Variants in SLC35F1 observed in about 807,000 individuals in gnomAD.
SLC35F1 encodes the protein chromosome 6 open reading frame 169.
In SLC35F1, 14 loss-of-function variants were observed where a neutral mutation model predicts 48.7. The observed-to-expected ratio is 0.29, with a 90% CI of 0.19 to 0.45. The LOEUF (loss-of-function observed/expected upper bound fraction) is 0.45, where lower values mean the gene tolerates loss of function less well. SLC35F1 is among the 20% of genes least tolerant of loss of function. The probability of loss-of-function intolerance (pLI) is 1.00; values close to 1 mark genes in which losing one functional copy is unlikely to be tolerated. For synonymous variants in SLC35F1, 190 were observed against 202.2 expected (o/e 0.94, Z 0.51); for missense variants, 404 against 500.0 (o/e 0.81, Z 1.83).
At chr6:118,003,021 TTG>T (rs1777125059) in intron 1 of SLC35F1, among the ~76,000 whole-genome samples, 1 of 152,214 alleles carries the variant, frequency 6.6e-6, no homozygotes, top group African/African-American at 2.4e-5. Context: ...AATATCTAGA[TTG>T]TGCTCAGTAA....
chr6:118,209,450 A>G (rs1356842019), intron 2 of SLC35F1, among the ~76,000 whole-genome samples: 1 of 152,150 alleles, frequency 6.6e-6, no homozygotes, highest in Non-Finnish European at 1.5e-5. Flanking sequence ...TGCTTTTTAT[A>G]TGCTTAATAT....
intron 1 of SLC35F1, among the ~76,000 whole-genome samples, chr6:118,142,900 G>A (rs1445586811): frequency 6.6e-6 from 1 of 152,138 alleles, no homozygotes; most frequent in East Asian, 1.9e-4. Context: ...CTACTTGAAA[G>A]CAAAGGCCAG....
intron 7 of SLC35F1, among the ~76,000 whole-genome samples, chr6:118,305,048 ATG>A (rs758520455): frequency 0.081 from 6,499 of 79,984 alleles, 271 homozygotes; most frequent in East Asian, 0.12. Flanking sequence ...ATCAACAGGA[ATG>A]TGTGTGTGTG....
intron 1 of SLC35F1, among the ~76,000 whole-genome samples, chr6:118,082,796 C>A (rs4946321): frequency 0.96 from 146,058 of 152,268 alleles, 70,371 homozygotes; most frequent in East Asian, 1. Flanking sequence ...TAAGCAAATC[C>A]AAAGAAATGG....
chr6:117,944,725 C>G (rs1258849323), intron 1 of SLC35F1, among the ~76,000 whole-genome samples: 1 of 152,070 alleles, frequency 6.6e-6, no homozygotes, highest in Admixed American at 6.5e-5. Context: ...GAGAGAATGC[C>G]TGCATATAAA....
intron 1 of SLC35F1, among the ~76,000 whole-genome samples, chr6:118,114,936 T>C (rs1447503557): frequency 1.3e-5 from 2 of 152,176 alleles, no homozygotes; most frequent in African/African-American, 4.8e-5. Flanking sequence ...TTTTAACCAC[T>C]GAAAGGATAA....
intron 1 of SLC35F1, among the ~76,000 whole-genome samples, chr6:118,045,575 C>A (rs9401051): frequency 0.17 from 26,353 of 152,148 alleles, 2,649 homozygotes; most frequent in East Asian, 0.3. Context: ...CAGTCACATG[C>A]ACATAAAAGC....
Position 118,102,686 on chromosome 6 carries a change from G to A in SLC35F1, c.174-51759G>A, listed in dbSNP as rs76046418. 1.9e-3 allele frequency among the ~76,000 whole-genome samples: 292 copies of A among 152,326 alleles called. 5 individuals carry two copies. In the East Asian group the frequency reaches 0.04, roughly 21 times the overall value. On this transcript the variant is annotated intron_variant, in intron 1 of 7. Transcript: ENST00000360388. ...TGCTGTGCACCTCAGAAGCTCATCC[G>A]TGGGCTTTGAGGCTAAATTCCTCCT...
intron 1 of SLC35F1, among the ~76,000 whole-genome samples, chr6:118,075,105 A>G (rs1772798405): frequency 1.3e-5 from 2 of 152,206 alleles, no homozygotes; most frequent in Non-Finnish European, 2.9e-5. Context: ...GTTTTAGAAC[A>G]TGGTGTTTAT....
chr6:118,156,837 C>T (rs994298974), intron 2 of SLC35F1, among the ~76,000 whole-genome samples: 1 of 151,930 alleles, frequency 6.6e-6, no homozygotes, highest in African/African-American at 2.4e-5. Flanking sequence ...TCTTGTACAT[C>T]TCACTTTTCA....
chr6:118,297,588 A>G (rs941280163), intron 7 of SLC35F1, among the ~76,000 whole-genome samples: 1 of 148,018 alleles, frequency 6.8e-6, no homozygotes, highest in African/African-American at 2.5e-5. Flanking sequence ...TTCAAAGGAT[A>G]ATTCTATCCT....
At chr6:118,156,670 AAAATAAAATAAAAT>A (rs1562308725) in intron 2 of SLC35F1, among the ~76,000 whole-genome samples, 1 of 80,710 alleles carries the variant, frequency 1.2e-5, no homozygotes, top group East Asian at 2.6e-4. Context: ...AGTATAATAA[AAAATAAAATAAAAT>A]AAAATAAAAT....
At chr6:118,157,249 A>G (rs568374804) in intron 2 of SLC35F1, among the ~76,000 whole-genome samples, 2 of 152,222 alleles carry the variant, frequency 1.3e-5, no homozygotes, top group African/African-American at 4.8e-5. Context: ...TGTGAGGTGC[A>G]GGGAAGGCAG....
chr6:118,281,202 C>CTA (rs1385900669), intron 6 of SLC35F1, among the ~76,000 whole-genome samples: 1,437 of 127,228 alleles, frequency 0.011, 8 homozygotes, highest in East Asian at 0.018. Context: ...CTCTCTCTCT[C>CTA]TCTATATATA....
At chr6:118,031,236 A>T (rs1322626073) in intron 1 of SLC35F1, among the ~76,000 whole-genome samples, 1 of 152,150 alleles carries the variant, frequency 6.6e-6, no homozygotes, top group Non-Finnish European at 1.5e-5. Flanking sequence ...TATCCCTTAC[A>T]TCTGAACTTA....
chr6:118,180,367 CA>C (rs1266182501), intron 2 of SLC35F1, among the ~76,000 whole-genome samples: 2 of 151,900 alleles, frequency 1.3e-5, no homozygotes, highest in African/African-American at 4.8e-5. Context: ...GGCAGCGTAA[CA>C]ATAAGCTACA....
At chr6:117,911,420 T>TC (rs1258964654) in intron 1 of SLC35F1, among the ~76,000 whole-genome samples, 2 of 27,008 alleles carry the variant, frequency 7.4e-5, no homozygotes, top group Non-Finnish European at 1.7e-4. Flanking sequence ...CCTCCCTCCC[T>TC]CCCTCCCTTC....
intron 1 of SLC35F1, among the ~76,000 whole-genome samples, chr6:118,002,426 G>C (rs991014119): frequency 1.3e-5 from 2 of 150,960 alleles, no homozygotes; most frequent in African/African-American, 4.9e-5. Context: ...ACAGGAAGGG[G>C]AACGTCAAAC....
intron 1 of SLC35F1, among the ~76,000 whole-genome samples, chr6:117,982,235 CTAACTT>C: frequency 6.6e-6 from 1 of 152,092 alleles, no homozygotes; most frequent in Non-Finnish European, 1.5e-5. Flanking sequence ...AATTTTGACT[CTAACTT>C]TACTGGGTGT....
Sources: allele counts gnomAD v4.1 joint callset (sites outside exome capture counted in the v4.1 genomes callset), GRCh38; gene constraint gnomAD v4.1.1; transcripts MANE v1.5; gene names NCBI Gene and HGNC (gene_info 2026-07-23, HGNC 2026-07-21).